The following ENDOV variants were observed in gnomAD, a reference collection of about 807,000 sequenced individuals.
The protein encoded by ENDOV is hEndoV.
A neutral mutation model predicts 39.4 loss-of-function variants in ENDOV; 37 were observed. That is an observed-to-expected ratio of 0.94 (90% CI 0.72 to 1.23). The LOEUF (loss-of-function observed/expected upper bound fraction) is 1.23, where lower values mean the gene tolerates loss of function less well. Ranked by LOEUF, ENDOV falls within the 50% of genes most tolerant of loss-of-function variation. The probability of loss-of-function intolerance (pLI) is 0.00; values close to 1 mark genes in which losing one functional copy is unlikely to be tolerated. For synonymous variants in ENDOV, 186 were observed against 163.4 expected, an observed-to-expected ratio of 1.14 and a Z score of -1.05; for missense variants, 441 against 375.7, an observed-to-expected ratio of 1.17 and a Z score of -1.44.
intron 1 of ENDOV, 145 bp from the exon 2 acceptor site, chr17:80,415,505 C>T (rs1805755700): frequency 8.6e-7 from 1 of 1,162,858 alleles, no homozygotes; most frequent in African/African-American, 1.6e-5. Context: ...CTCCTAGGGA[C>T]TGTGGCCTCG....
intron 6 of ENDOV, 95 bp downstream of exon 6, chr17:80,425,195 C>G: frequency 1.8e-6 from 2 of 1,110,252 alleles, no homozygotes; most frequent in Admixed American, 4.5e-5. Flanking sequence ...TGCACTCACA[C>G]TTGCCCACAT....
At chr17:80,425,315 G>C (rs1283657149) in intron 6 of ENDOV, 177 bp from the exon 7 acceptor site, 9 of 1,005,048 alleles carry the variant, frequency 9.0e-6, no homozygotes, top group Non-Finnish European at 2.8e-6. Context: ...CCTCCCCCAG[G>C]GACAAGCAGC....
chr17:80,418,180 C>T (rs993148777), intron 2 of ENDOV: 1 of 152,154 alleles, frequency 6.6e-6, no homozygotes, highest in African/African-American at 2.4e-5. Context: ...CCCACTTTGC[C>T]CTCTAGGCCT....
chr17:80,434,151 C>T (rs1423110278), intron 9 of ENDOV, among the ~76,000 whole-genome samples: 4 of 152,046 alleles, frequency 2.6e-5, no homozygotes, highest in Admixed American at 6.5e-5. Context: ...GTGGAATCAC[C>T]GTGTGTCTCT....
At chr17:80,427,693 G>T in intron 7 of ENDOV, 1 of 1,281,434 alleles carries the variant, frequency 7.8e-7, no homozygotes, top group Non-Finnish European at 1.0e-6. Flanking sequence ...TGTTCCAGAA[G>T]GTCCTGGGAG....
chr17:80,421,866 C>G lies in ENDOV; in HGVS notation c.267C>G (p.Ala89=), dbSNP rs267605084. ...AGAGCCGCATGGTCAGCCTCACAGCCCCCTACGTGTCGGGCTTCCTGGCCT... is the reference window on the plus strand; with the variant it reads ...AGAGCCGCATGGTCAGCCTCACAGCGCCCTACGTGTCGGGCTTCCTGGCCT... ...YEESRMVSLT[A]PYVSGFLAFR... Residue 89 remains alanine (A), a synonymous_variant, in exon 3 of 10, where the codon GCC becomes GCG. Coordinates refer to ENST00000518137, the MANE Select transcript of ENDOV (RefSeq NM_173627.5). 5 of 1,604,832 alleles carry G rather than the reference C, an allele frequency of 3.1e-6. No homozygotes were observed. The African/African-American group carries it at 5.4e-5, about 17-fold the overall frequency.
Position 80,415,832 on chromosome 17 carries a change from A to AG in ENDOV, c.228+13dup, listed in dbSNP as rs1289939608. On this transcript the variant is annotated intron_variant, in intron 2 of 9. Transcript: ENST00000518137. ...TTCCCTGAGCTCGAGGTAACCTGGG[A>AG]GGACGCCGAGCTCGAGGCGGGCCCC... is the stretch of plus-strand genomic sequence containing the variant. 1 of 1,584,168 alleles carries AG rather than the reference A, an allele frequency of 6.3e-7. No individual in the cohort carries two copies. The highest frequency in any genetic ancestry group is 1.3e-5 in the African/African-American group (1 of 74,336).
intron 5 of ENDOV, among the ~76,000 whole-genome samples, chr17:80,424,751 C>G (rs550240519): frequency 6.6e-6 from 1 of 152,108 alleles, no homozygotes; most frequent in African/African-American, 2.4e-5. Context: ...ATTAGGAGAT[C>G]GAGACCATCC....
chr17:80,423,668 C>G lies in ENDOV; in HGVS notation c.516+36C>G, dbSNP rs1036798187. Reference sequence around the variant, plus strand: ...GCCTGCTGCAGGCCATGCCCGGCAGCTCAGTGGCGGGGCTGTGGTGGCCCT... The same window carrying G: ...GCCTGCTGCAGGCCATGCCCGGCAGGTCAGTGGCGGGGCTGTGGTGGCCCT... On this transcript the variant is annotated intron_variant, in intron 5 of 9. Transcript: ENST00000518137. The G allele has an allele frequency of 5.9e-6, 9 of 1,537,532 alleles. No individual in the cohort carries two copies. In the African/African-American group the frequency reaches 1.1e-4, roughly 19 times the overall value.
At chr17:80,422,386 C>G in intron 4 of ENDOV, 141 bp downstream of exon 4, 1 of 1,012,460 alleles carries the variant, frequency 9.9e-7, no homozygotes, top group Non-Finnish European at 1.5e-6. Context: ...CTCGGCGCAA[C>G]GGGGACGCGC....
At position 80,429,788 on chromosome 17, in the gene ENDOV, G is replaced by C; in HGVS notation, c.795G>C (p.Gln265His). The change falls in exon 9 of 10, where the codon CAG (glutamine) becomes CAC (histidine). Residue 265 changes from glutamine (Q) to histidine (H), a missense_variant. By Grantham distance (24) the Gln-to-His change is conservative. Transcript: ENST00000518137. ...GPPTPRSPKA[Q>H]RPVACPKGDS... The stretch of plus-strand genomic sequence containing the variant: ...TCATCACCAGGAGCCCGAAGGCGCA[G>C]AGGCCAGTGGCATGCCCCAAAGGAG... The C allele has an allele frequency of 6.2e-7, 1 of 1,604,878 alleles. No homozygotes were observed. The highest frequency in any genetic ancestry group is 1.1e-5 in the South Asian group (1 of 89,738).
At chr17:80,422,762 C>T (rs1186064297) in intron 4 of ENDOV, among the ~76,000 whole-genome samples, 5 of 151,896 alleles carry the variant, frequency 3.3e-5, no homozygotes, top group Non-Finnish European at 7.4e-5. Context: ...TGCAGTGGCG[C>T]GATCTCGGCT....
At position 80,425,507 on chromosome 17, in the gene ENDOV, G is replaced by T; in HGVS notation, c.601G>T (p.Asp201Tyr). ...CTTGTCACAGGCCCTGAGGAGCCAC[G>T]ACCGCAGCACCAGGCCCCTCTACAT... Reference protein sequence around the residue: ...TVLGMALRSHDRSTRPLYISV... With the variant: ...TVLGMALRSHYRSTRPLYISV... The change falls in exon 7 of 10, where the codon GAC becomes TAC. Residue 201 changes from aspartate to tyrosine, a missense_variant. Coordinates refer to ENST00000518137, the MANE Select transcript of ENDOV (RefSeq NM_173627.5). The T allele has an allele frequency of 6.3e-7, 1 of 1,598,276 alleles. No homozygotes were observed.
Position 80,425,508 on chromosome 17 carries a change from A to G in ENDOV, c.602A>G (p.Asp201Gly), listed in dbSNP as rs1364813201. ...TVLGMALRSH[D>G]RSTRPLYISV... ...TTGTCACAGGCCCTGAGGAGCCACGACCGCAGCACCAGGCCCCTCTACATC... is the reference window on the plus strand; with the variant it reads ...TTGTCACAGGCCCTGAGGAGCCACGGCCGCAGCACCAGGCCCCTCTACATC... Residue 201 changes from aspartate to glycine, a missense_variant, in exon 7 of 10, where the codon GAC (aspartate) becomes GGC (glycine). Transcript: ENST00000518137. 1 of 1,598,134 alleles carries G rather than the reference A, an allele frequency of 6.3e-7. No homozygotes were observed. The highest frequency in any genetic ancestry group is 1.7e-5 in the Admixed American group (1 of 58,690).
intron 2 of ENDOV, among the ~76,000 whole-genome samples, chr17:80,416,782 A>G (rs1218231842): frequency 7.7e-5 from 8 of 104,032 alleles, no homozygotes; most frequent in African/African-American, 1.5e-4. Context: ...CCCTTCCCCC[A>G]CTCTGTGCCC....
rs1249718430 is a variant in ENDOV at position 80,436,317 on chromosome 17, C to T, written c.*174C>T. The stretch of plus-strand genomic sequence containing the variant: ...CGTCCTCGTCTCGTTCCTGATCGAA[C>T]GTGGTGGTGAGAGCACACGTCCTTG... On this transcript the variant is annotated 3_prime_UTR_variant, in exon 10 of 10. Coordinates refer to ENST00000518137, the MANE Select transcript of ENDOV (RefSeq NM_173627.5). The T allele has an allele frequency of 1.5e-5, 23 of 1,574,098 alleles. No individual in the cohort carries two copies. The highest frequency in any genetic ancestry group is 4.0e-5 in the African/African-American group (3 of 74,278).
intron 7 of ENDOV, among the ~76,000 whole-genome samples, chr17:80,427,173 G>T (rs1448060192): frequency 1.3e-5 from 2 of 152,256 alleles, no homozygotes; most frequent in African/African-American, 4.8e-5. Flanking sequence ...GCACAGGTGT[G>T]TGGACTCTCA....
chr17:80,436,030 C>G, intron 9 of ENDOV, 103 bp from the exon 10 acceptor site: 1 of 1,321,086 alleles, frequency 7.6e-7, no homozygotes, highest in Non-Finnish European at 1.1e-6. Flanking sequence ...GCTGAGATTA[C>G]AGGCGCGAGC....
Position 80,422,276 on chromosome 17 carries a change from C to T in ENDOV, c.403+31C>T, listed in dbSNP as rs2082141230. 3 of 1,612,684 alleles carry T rather than the reference C, an allele frequency of 1.9e-6. No homozygotes were observed. In the East Asian group the frequency reaches 6.7e-5, roughly 36 times the overall value. ...CCTGCTCTTGGAGGTCCAGGGAGGGCACTGTGGGGAAGAGCGGGGGGAGAG... is the reference window on the plus strand; with the variant it reads ...CCTGCTCTTGGAGGTCCAGGGAGGGTACTGTGGGGAAGAGCGGGGGGAGAG... On this transcript the variant is annotated intron_variant, in intron 4 of 9. Transcript: ENST00000518137.
Sources: allele counts gnomAD v4.1 joint callset (sites outside exome capture counted in the v4.1 genomes callset), GRCh38; gene constraint gnomAD v4.1.1; transcripts MANE v1.5; gene names NCBI Gene and HGNC (gene_info 2026-07-23, HGNC 2026-07-21).